The following KIFC3 variants were observed in gnomAD, a reference collection of about 807,000 sequenced individuals.
KIFC3 encodes the protein kinesin-like protein KIFC3.
A neutral mutation model predicts 101.8 loss-of-function variants in KIFC3; 60 were observed. That is an observed-to-expected ratio of 0.59 (90% confidence interval 0.48 to 0.73). The LOEUF (loss-of-function observed/expected upper bound fraction) is 0.73. Among genes scored for constraint, KIFC3 ranks in the 30% least tolerant of loss-of-function variants. The pLI is 0.00. For synonymous variants in KIFC3, 476 were observed against 482.7 expected (o/e 0.99, Z 0.18); for missense variants, 966 against 1,137.1 (o/e 0.85, Z 2.16).
chr16:57,862,748 C>T, exon 1 of KIFC3: 1 of 1,289,234 alleles, frequency 7.8e-7, no homozygotes. Context: ...CTCCGGGACA[C>T]CAGCCTCCAA....
rs782580479 is a variant in KIFC3 at position 57,759,771 on chromosome 16, G to A, written c.2433C>T (p.Thr811=). Residue 811 remains threonine (T), a synonymous_variant, in exon 18 of 20, where the codon ACC becomes ACT. Transcript: ENST00000445690. The part of the protein sequence containing the change: ...ARAHSAPSSG[T]SSRPGSIRRK... ...TCCGGATGGATCCAGGGCGGCTACT[G>A]GTCCCAGAGCTGGGGGCTGAGTGGG... is the stretch of plus-strand genomic sequence containing the variant. 2 of 1,611,460 alleles carry A rather than the reference G, an allele frequency of 1.2e-6. No homozygotes were observed. Among genetic ancestry groups the A allele is most frequent in the Non-Finnish European group, 1.7e-6 (2 of 1,179,044 alleles).
In KIFC3 at chr16:57,769,557, C is replaced by G. The variant is rs371246729; in HGVS notation, c.1218+38G>C. ...ATGTCGTGCCTCTCCCAGTGCACCC[C>G]CTTAGCCTGGACCCTCCCACCCACT... On this transcript the variant is annotated intron_variant, in intron 9 of 19. Transcript: ENST00000445690. The surrounding 1 kb of genome is among the most constrained non-coding windows in gnomAD (Gnocchi z 4.3). The G allele has an allele frequency of 1.3e-6, 2 of 1,588,524 alleles. No individual in the cohort carries two copies. The highest frequency in any genetic ancestry group is 2.3e-4 in the Middle Eastern group (1 of 4,394).
intron 2 of KIFC3, 146 bp from the exon 3 acceptor site, chr16:57,795,287 C>A: frequency 1.1e-6 from 1 of 909,094 alleles, no homozygotes; most frequent in Non-Finnish European, 1.6e-6. Context: ...CTCACACACC[C>A]AAAAAACGCC....
At chr16:57,794,295 C>T (rs1326664600) in intron 3 of KIFC3, among the ~76,000 whole-genome samples, 1 of 150,818 alleles carries the variant, frequency 6.6e-6, no homozygotes, top group Non-Finnish European at 1.5e-5. Flanking sequence ...TGCAGTGGTG[C>T]AATCACTGCA....
rs2051341541 is a variant in KIFC3, at chr16:57,772,228, C to G, written c.376G>C (p.Glu126Gln). The G allele has an allele frequency of 6.2e-7, 1 of 1,613,502 alleles. No individual in the cohort carries two copies. The highest frequency in any genetic ancestry group is 1.3e-5 in the African/African-American group (1 of 75,030). Reference protein sequence around the residue: ...QAQEVSRLRSELGGTDLEKHR... With the variant: ...QAQEVSRLRSQLGGTDLEKHR... ...GGACAGCCTTGTGGCCTCACCAGCT[C>G]AGATCGCAGTCGGCTCACTTCCTGG... The change falls in exon 4 of 20, where the codon GAG becomes CAG. Residue 126 changes from glutamate to glutamine, a missense_variant. By Grantham distance (29) the Glu-to-Gln change is conservative. Transcript: ENST00000445690.
intron 3 of KIFC3, chr16:57,785,680 A>G: frequency 8.2e-7 from 1 of 1,222,674 alleles, no homozygotes; most frequent in Non-Finnish European, 1.1e-6. Context: ...CGAGCAAAGT[A>G]GTGGCTGATG....
chr16:57,802,249 T>C lies in KIFC3; in HGVS notation c.-40+121A>G. The C allele has an allele frequency of 4.7e-6, 2 of 426,506 alleles. No individual in the cohort carries two copies. The highest frequency in any genetic ancestry group is 9.7e-5 in the South Asian group (1 of 10,264). The allele number at this position is 426,506 out of a possible 1,614,324, so 26.4% of individuals were successfully genotyped here. ...CCGGGCCTTTCCCTCCCCGCGCCCA[T>C]AGCGGGTCCGGGCAGAGGGGTCCCG... On this transcript the variant is annotated intron_variant, in intron 1 of 19. Coordinates refer to ENST00000445690, the MANE Select transcript of KIFC3 (RefSeq NM_001130100.2). This position sits in a 1 kb window ranked among gnomAD's most constrained non-coding sequence, Gnocchi z 5.0.
At chr16:57,854,285 T>C (rs1221848493) in intron 1 of KIFC3, among the ~76,000 whole-genome samples, 4 of 152,148 alleles carry the variant, frequency 2.6e-5, no homozygotes, top group South Asian at 2.1e-4. Flanking sequence ...AACTACGTGA[T>C]GTCTAAAAGA....
intron 3 of KIFC3, chr16:57,775,329 A>G: frequency 8.5e-7 from 1 of 1,174,882 alleles, no homozygotes; most frequent in Non-Finnish European, 1.1e-6. Flanking sequence ...AGCAGGGGGA[A>G]TGTGACTGAG....
chr16:57,848,135 A>G (rs1175645511), intron 1 of KIFC3, among the ~76,000 whole-genome samples: 1 of 152,342 alleles, frequency 6.6e-6, no homozygotes, highest in Non-Finnish European at 1.5e-5. Flanking sequence ...ACTTTTAAAT[A>G]CTTTGTAAAG....
At chr16:57,860,023 AAAATAAAAT>A (rs1332769331) in intron 1 of KIFC3, among the ~76,000 whole-genome samples, 2 of 31,176 alleles carry the variant, frequency 6.4e-5, no homozygotes, top group African/African-American at 4.0e-4. Context: ...CTCTGTCTCA[AAAATAAAAT>A]AAAATAAAAT....
chr16:57,802,555 C>T (rs1234055605), upstream of KIFC3: 1 of 990,122 alleles, frequency 1.0e-6, no homozygotes, highest in Non-Finnish European at 1.2e-6. The surrounding 1 kb of genome is among the most constrained non-coding windows in gnomAD (Gnocchi z 5.0). Context: ...GCAACCGGCT[C>T]CGACCCCGGC....
intron 3 of KIFC3, among the ~76,000 whole-genome samples, chr16:57,787,456 C>T (rs112029634): frequency 0.021 from 3,180 of 152,286 alleles, 49 homozygotes; most frequent in South Asian, 0.065. Flanking sequence ...GTCTCAGCAC[C>T]GCGGCAGGGC....
At chr16:57,790,083 T>TTCTTTTTC (rs1568032640) in intron 3 of KIFC3, among the ~76,000 whole-genome samples, 7 of 142,998 alleles carry the variant, frequency 4.9e-5, no homozygotes, top group Non-Finnish European at 9.1e-5. Context: ...TCTTTCTTTT[T>TTCTTTTTC]TTTTTTTTTT....
At chr16:57,802,692 G>A, upstream of KIFC3, 1 of 874,062 alleles carries the variant, frequency 1.1e-6, no homozygotes, top group Non-Finnish European at 1.6e-6. The surrounding 1 kb of genome is among the most constrained non-coding windows in gnomAD (Gnocchi z 5.0). Context: ...CCTCCCACTC[G>A]GTCTCTCCCG....
At chr16:57,827,501 A>T (rs904482004) in intron 1 of KIFC3, among the ~76,000 whole-genome samples, 5 of 152,172 alleles carry the variant, frequency 3.3e-5, no homozygotes, top group African/African-American at 1.2e-4. Context: ...AACACCTGTC[A>T]TCCCTTCCCT....
At position 57,758,654 on chromosome 16, in the gene KIFC3, T is replaced by C. The variant is rs1039969306; in HGVS notation, c.*280A>G. 10 of 703,258 alleles carry C rather than the reference T, an allele frequency of 1.4e-5. No individual in the cohort carries two copies. The highest frequency in any genetic ancestry group is 2.6e-5 in the Non-Finnish European group (10 of 386,884). The allele number at this position is 703,258 out of a possible 1,614,324, so 43.6% of individuals were successfully genotyped here. On this transcript the variant is annotated 3_prime_UTR_variant, in exon 20 of 20. Transcript: ENST00000445690. ...CTCCTCACGGGGCCCAGTTCGCTGA[T>C]GGCCCAGGCCTGCCAGGAAGAGCAG...
At chr16:57,805,740 A>G (rs1332459012), upstream of KIFC3, among the ~76,000 whole-genome samples, 4 of 148,338 alleles carry the variant, frequency 2.7e-5, no homozygotes, top group African/African-American at 5.0e-5. Context: ...CAGTGGCGCA[A>G]TCTCGGCTCA....
rs1491348948 is a variant in KIFC3, at chr16:57,823,759, CTT to C, written c.109-25479_109-25478del. On this transcript the variant is annotated intron_variant, in intron 1 of 2. Coordinates refer to the KIFC3 transcript ENST00000563028. ...AGGTGTGCACCACCACACCCGGCTA[CTT>C]TGTGTGTGTGTGTGTGTGTGTGTGT... Among the ~76,000 whole-genome samples the C allele has an allele frequency of 8.0e-4, 44 of 54,772 alleles. No individual in the cohort carries two copies. The East Asian group carries it at 0.015, about 19-fold the overall frequency. The allele number at this position is 54,772 out of a possible 152,430, so 35.9% of individuals were successfully genotyped here.
Sources: gnomAD v4.1 joint callset for allele counts (sites outside exome capture counted in the v4.1 genomes callset) on GRCh38, gnomAD v4.1.1 for gene constraint, Gnocchi (gnomAD v3.1) non-coding constraint, MANE v1.5 for transcripts, NCBI Gene and HGNC (gene_info 2026-07-23, HGNC 2026-07-21) for gene names.